The following AKT3 variants were observed in gnomAD, a reference collection of about 807,000 sequenced individuals.
The protein encoded by AKT3 is RAC-gamma serine/threonine-protein kinase.
Under a neutral mutation model 65.3 loss-of-function variants are expected in AKT3, and 15 were observed. The ratio of observed to expected loss-of-function variants is 0.23; its 90% CI spans 0.15 to 0.35. AKT3 has a LOEUF of 0.35. AKT3 is among the 10% of genes least tolerant of loss of function. The pLI, the probability that AKT3 is intolerant of heterozygous loss-of-function variation, is 1.00. For synonymous variants in AKT3, 206 were observed against 183.8 expected, an observed-to-expected ratio of 1.12 and a Z score of -0.98; for missense variants, 243 against 576.5, an observed-to-expected ratio of 0.42 and a Z score of 5.92.
intron 2 of AKT3, among the ~76,000 whole-genome samples, chr1:243,762,712 T>G (rs1689563554): frequency 1.3e-5 from 2 of 152,194 alleles, no homozygotes; most frequent in African/African-American, 4.8e-5. Context: ...ACACTGTATT[T>G]AAAATGTAAA....
chr1:243,833,977 T>C (rs566611728), intron 2 of AKT3, among the ~76,000 whole-genome samples: 1 of 151,824 alleles, frequency 6.6e-6, no homozygotes, highest in African/African-American at 2.4e-5. Context: ...TAGTTTGGAT[T>C]CTAATTTGAG....
intron 3 of AKT3, among the ~76,000 whole-genome samples, chr1:243,682,228 G>C (rs1406634716): frequency 6.6e-6 from 1 of 152,018 alleles, no homozygotes; most frequent in South Asian, 2.1e-4. Context: ...CTTATCACAC[G>C]CAGGCTGCAG....
intron 3 of AKT3, among the ~76,000 whole-genome samples, chr1:243,672,187 C>T (rs1390352779): frequency 6.6e-6 from 1 of 152,148 alleles, no homozygotes; most frequent in Non-Finnish European, 1.5e-5. Flanking sequence ...CTTGACATCT[C>T]GTTTCTCCAG....
chr1:243,849,005 G>A (rs1695633288), intron 1 of AKT3, among the ~76,000 whole-genome samples: 1 of 152,166 alleles, frequency 6.6e-6, no homozygotes, highest in Non-Finnish European at 1.5e-5. Context: ...TACCGGTATT[G>A]GAAAAACCTG....
intron 4 of AKT3, among the ~76,000 whole-genome samples, chr1:243,655,757 A>G (rs1681729078): frequency 6.6e-6 from 1 of 152,160 alleles, no homozygotes; most frequent in African/African-American, 2.4e-5. Flanking sequence ...ACCAAAATGT[A>G]GTGGTTTACC....
At position 243,801,909 on chromosome 1, in the gene AKT3, A is replaced by G. The variant is rs756727137; in HGVS notation, c.46+41216T>C. 4.9e-4 allele frequency among the ~76,000 whole-genome samples: 75 copies of G among 152,202 alleles called. 1 individual carries two copies. The highest frequency in any genetic ancestry group is 8.8e-4 in the Non-Finnish European group (60 of 68,030). ...CCAAAAACTGAAGAAGGCCAACCGA[A>G]ACCCCAAACTACAATTTTATTCTTT... On this transcript the variant is annotated intron_variant, in intron 2 of 13. Transcript: ENST00000673466.
chr1:243,505,713 GT>G (rs68175585), intron 13 of AKT3, among the ~76,000 whole-genome samples: 26,226 of 152,118 alleles, frequency 0.17, 2,563 homozygotes, highest in East Asian at 0.27. Flanking sequence ...TCCAAAGTCT[GT>G]ATAGAATTCA....
At chr1:243,743,410 A>G (rs555198249) in intron 2 of AKT3, among the ~76,000 whole-genome samples, 1 of 152,252 alleles carries the variant, frequency 6.6e-6, no homozygotes, top group Non-Finnish European at 1.5e-5. Flanking sequence ...GTTTTCAAAA[A>G]TACTATGAAT....
intron 8 of AKT3, among the ~76,000 whole-genome samples, chr1:243,599,194 G>A (rs149896291): frequency 1.3e-3 from 202 of 152,092 alleles, no homozygotes; most frequent in African/African-American, 4.5e-3. Context: ...CAAAAGTTAC[G>A]GCTATCAGAC....
At chr1:243,817,757 A>G (rs964071320) in intron 2 of AKT3, among the ~76,000 whole-genome samples, 1 of 152,228 alleles carries the variant, frequency 6.6e-6, no homozygotes. Flanking sequence ...AAATAAGCAA[A>G]CAAACAAACA....
At chr1:243,602,053 G>T (rs986478019) in intron 8 of AKT3, among the ~76,000 whole-genome samples, 65 of 152,124 alleles carry the variant, frequency 4.3e-4, no homozygotes, top group African/African-American at 1.4e-3. Flanking sequence ...TGCCTGGCAG[G>T]CCCCTGCAGT....
chr1:243,602,410 C>G (rs1156329800), intron 8 of AKT3, among the ~76,000 whole-genome samples: 1 of 151,866 alleles, frequency 6.6e-6, no homozygotes, highest in African/African-American at 2.4e-5. Context: ...TTGTCAGACA[C>G]CTGACAATAA....
intron 8 of AKT3, among the ~76,000 whole-genome samples, chr1:243,591,379 C>T (rs1676214131): frequency 6.6e-6 from 1 of 152,194 alleles, no homozygotes; most frequent in African/African-American, 2.4e-5. Flanking sequence ...ATATTCCAGA[C>T]CAGTCTTACT....
intron 8 of AKT3, among the ~76,000 whole-genome samples, chr1:243,576,563 G>C (rs1030667008): frequency 6.6e-6 from 1 of 152,100 alleles, no homozygotes; most frequent in Non-Finnish European, 1.5e-5. Context: ...ATGTGCAAAA[G>C]TCATAAGCAT....
At chr1:243,682,377 T>G (rs960839488) in intron 3 of AKT3, among the ~76,000 whole-genome samples, 1 of 152,170 alleles carries the variant, frequency 6.6e-6, no homozygotes, top group African/African-American at 2.4e-5. Context: ...ATAACCTTTT[T>G]AGCTTAAATT....
At chr1:243,835,784 A>G (rs1694856608) in intron 2 of AKT3, among the ~76,000 whole-genome samples, 1 of 152,068 alleles carries the variant, frequency 6.6e-6, no homozygotes, top group South Asian at 2.1e-4. Context: ...AAAAAAATTC[A>G]ATTAACTCAA....
chr1:243,831,014 C>T (rs1694476029), intron 2 of AKT3, among the ~76,000 whole-genome samples: 1 of 152,180 alleles, frequency 6.6e-6, no homozygotes, highest in South Asian at 2.1e-4. Flanking sequence ...CTCTCCTGAA[C>T]ATTAGGCTGC....
intron 3 of AKT3, among the ~76,000 whole-genome samples, chr1:243,666,273 G>A (rs549176105): frequency 1.3e-5 from 2 of 152,134 alleles, no homozygotes; most frequent in Non-Finnish European, 2.9e-5. Context: ...CAAAGTGCTG[G>A]GATTACGGGC....
rs552202285 is a variant in AKT3 at position 243,632,007 on chromosome 1, C to A, written c.561+5604G>T. ...GAGTCTTGAACCCCTCAAACTCATC[C>A]ATGAAGATTGGAATCAACTTCTTAC... On this transcript the variant is annotated intron_variant, in intron 6 of 13. Coordinates refer to ENST00000673466, the MANE Select transcript of AKT3 (RefSeq NM_005465.7). Among the ~76,000 whole-genome samples, 32 of 152,280 alleles carry A rather than the reference C, an allele frequency of 2.1e-4. No individual in the cohort carries two copies. In the South Asian group the frequency reaches 4.1e-3, roughly 20 times the overall value.
Sources: allele counts gnomAD v4.1 joint callset (sites outside exome capture counted in the v4.1 genomes callset), GRCh38; gene constraint gnomAD v4.1.1; transcripts MANE v1.5; gene names NCBI Gene and HGNC (gene_info 2026-07-23, HGNC 2026-07-21).